The following NMNAT1 variants were observed in gnomAD, a reference collection of about 807,000 sequenced individuals.
The protein encoded by NMNAT1 is nicotinamide nucleotide adenylyltransferase 1, also known as nicotinamide/nicotinic acid mononucleotide adenylyltransferase 1.
NMNAT1 carries 11 observed loss-of-function variants against 16.7 expected under a neutral mutation model. That is an observed-to-expected ratio of 0.66 (90% confidence interval 0.41 to 1.09). The LOEUF (loss-of-function observed/expected upper bound fraction) is 1.09. Ranked by LOEUF, NMNAT1 falls within the 50% of genes least tolerant of loss-of-function variation. The pLI is 0.00. For missense variants in NMNAT1, 280 were observed against 332.3 expected (o/e 0.84, Z 1.22); for synonymous variants, 110 against 119.8 (o/e 0.92, Z 0.53).
At position 9,984,241 on chromosome 1, in the gene NMNAT1, T is replaced by C. The variant is rs1642008747; in HGVS notation, c.*1540T>C. Reference sequence around the variant, plus strand: ...TTTGTATTTTTAGTAGAGATGGGGTTTCGCCATGTTAGACAGGCTGGTCTT... The same window carrying C: ...TTTGTATTTTTAGTAGAGATGGGGTCTCGCCATGTTAGACAGGCTGGTCTT... On this transcript the variant is annotated 3_prime_UTR_variant, in exon 5 of 5. Transcript: ENST00000377205. The C allele has an allele frequency of 6.6e-6, 1 of 152,204 alleles. No homozygotes were observed. The highest frequency in any genetic ancestry group is 1.5e-5 in the Non-Finnish European group (1 of 68,090). The allele number at this position is 152,204 out of a possible 1,614,324, so 9.4% of individuals were successfully genotyped here.
chr1:9,954,486 G>A (rs1382046851), intron 1 of NMNAT1, among the ~76,000 whole-genome samples: 1 of 152,116 alleles, frequency 6.6e-6, no homozygotes, highest in African/African-American at 2.4e-5. Context: ...TGGGGTTACA[G>A]GCATGAGCCA....
chr1:9,968,770 CAA>C (rs35088826), intron 1 of NMNAT1, among the ~76,000 whole-genome samples: 11 of 79,162 alleles, frequency 1.4e-4, no homozygotes, highest in African/African-American at 1.6e-4. Flanking sequence ...GACTCTGTCT[CAA>C]AAAAAAAAAA....
At chr1:9,974,315 TC>T (rs1262324202) in intron 2 of NMNAT1, among the ~76,000 whole-genome samples, 1 of 151,092 alleles carries the variant, frequency 6.6e-6, no homozygotes, top group African/African-American at 2.4e-5. Flanking sequence ...AGCCTTTACC[TC>T]CCGGACTCAA....
the NMNAT1 span, among the ~76,000 whole-genome samples, chr1:9,993,572 C>T: frequency 6.6e-6 from 1 of 151,998 alleles, no homozygotes; most frequent in African/African-American, 2.4e-5. Context: ...AAAAGCTTGC[C>T]GGGGCTGCGT....
At chr1:9,961,103 A>G (rs1177644874) in intron 1 of NMNAT1, among the ~76,000 whole-genome samples, 1 of 152,112 alleles carries the variant, frequency 6.6e-6, no homozygotes, top group Non-Finnish European at 1.5e-5. Context: ...TATTTGAGAC[A>G]AGTTATAGAT....
At chr1:9,952,835 G>A (rs147845774) in intron 1 of NMNAT1, among the ~76,000 whole-genome samples, 35 of 152,016 alleles carry the variant, frequency 2.3e-4, no homozygotes, top group Non-Finnish European at 2.8e-4. Context: ...CACCACGCTC[G>A]GCTAGAAACA....
At chr1:9,944,141 C>T (rs1640903246) in intron 1 of NMNAT1, among the ~76,000 whole-genome samples, 1 of 152,080 alleles carries the variant, frequency 6.6e-6, no homozygotes, top group South Asian at 2.1e-4. Context: ...GTAATCTCAG[C>T]TACTCGGGAG....
chr1:9,978,581 G>T (rs920363009), intron 3 of NMNAT1, among the ~76,000 whole-genome samples: 1 of 152,172 alleles, frequency 6.6e-6, no homozygotes, highest in African/African-American at 2.4e-5. Context: ...TTCAGACTTG[G>T]CAGGGAGAAG....
chr1:9,990,115 T>G (rs1236199061), downstream of NMNAT1, among the ~76,000 whole-genome samples: 1 of 152,224 alleles, frequency 6.6e-6, no homozygotes, highest in East Asian at 1.9e-4. Context: ...GGAAATACCC[T>G]GCTTCAAAAT....
chr1:9,986,070 C>G (rs903508419), downstream of NMNAT1, among the ~76,000 whole-genome samples: 10 of 152,170 alleles, frequency 6.6e-5, no homozygotes, highest in Admixed American at 4.6e-4. Context: ...GGTTTCAGAA[C>G]TGGAATTCAG....
intron 1 of NMNAT1, among the ~76,000 whole-genome samples, chr1:9,969,063 A>C (rs1641629804): frequency 6.6e-6 from 1 of 152,094 alleles, no homozygotes; most frequent in African/African-American, 2.4e-5. Flanking sequence ...ATATCAGAGC[A>C]TAGGCTCTTA....
intron 3 of NMNAT1, among the ~76,000 whole-genome samples, chr1:9,978,023 A>G (rs999632627): frequency 1.3e-5 from 2 of 152,038 alleles, no homozygotes; most frequent in African/African-American, 4.8e-5. Flanking sequence ...TCTAGCCACC[A>G]CACCCACACT....
chr1:9,981,151 C>T lies in NMNAT1; in HGVS notation c.420C>T (p.Ser140=), dbSNP rs1429150979. The T allele has an allele frequency of 6.2e-7, 1 of 1,611,828 alleles. No individual in the cohort carries two copies. The highest frequency in any genetic ancestry group is 1.7e-5 in the Admixed American group (1 of 59,430). The change falls in exon 4 of 5, where the codon TCC becomes TCT. Residue 140 remains serine (S), a synonymous_variant. Coordinates refer to ENST00000377205, the MANE Select transcript of NMNAT1 (RefSeq NM_022787.4). ...CACAAGATTCTAGTCAAAAGAAATCCCTAGAGCCAAAAACAAAAGGTTTGT... is the reference window on the plus strand; with the variant it reads ...CACAAGATTCTAGTCAAAAGAAATCTCTAGAGCCAAAAACAAAAGGTTTGT... ...TETQDSSQKK[S]LEPKTKAVPK...
intron 1 of NMNAT1, among the ~76,000 whole-genome samples, chr1:9,958,784 T>G (rs757730797): frequency 6.6e-6 from 1 of 152,136 alleles, no homozygotes; most frequent in African/African-American, 2.4e-5. Flanking sequence ...GGTTCCTTTA[T>G]CATGACTGTA....
chr1:9,994,615 A>AT, the NMNAT1 span, among the ~76,000 whole-genome samples: 13 of 123,094 alleles, frequency 1.1e-4, no homozygotes, highest in African/African-American at 3.2e-4. Context: ...TATTTTTTGT[A>AT]TTTTTTTTTT....
At chr1:9,942,947 G>A, upstream of NMNAT1, 1 of 354,084 alleles carries the variant, frequency 2.8e-6, no homozygotes, top group South Asian at 2.1e-5. Context: ...TTCCTAGCGA[G>A]GCCGAGAGGG....
chr1:9,990,252 G>A (rs937841376), downstream of NMNAT1, among the ~76,000 whole-genome samples: 6 of 152,188 alleles, frequency 3.9e-5, no homozygotes, highest in African/African-American at 1.4e-4. Context: ...TAGGTGCTGT[G>A]AGTCAACACT....
At chr1:9,971,421 C>A (rs1211848499) in intron 1 of NMNAT1, among the ~76,000 whole-genome samples, 1 of 152,036 alleles carries the variant, frequency 6.6e-6, no homozygotes, top group Non-Finnish European at 1.5e-5. Context: ...TCAAGTGATT[C>A]TCCTGCCTCA....
At position 9,984,695 on chromosome 1, in the gene NMNAT1, G is replaced by C. The variant is rs1395273509; in HGVS notation, c.*1994G>C. 6.6e-6 allele frequency: 1 copy of C among 152,166 alleles called. No homozygotes were observed. The highest frequency in any genetic ancestry group is 1.5e-5 in the Non-Finnish European group (1 of 68,038). 9.4% of individuals were successfully genotyped at this position (152,166 alleles called of 1,614,324 possible). A position where few individuals can be genotyped will look rare whatever the true frequency, so the allele number is the denominator to read the frequency against. On this transcript the variant is annotated 3_prime_UTR_variant, in exon 5 of 5. Coordinates refer to ENST00000377205, the MANE Select transcript of NMNAT1 (RefSeq NM_022787.4). ...GTTTGTTTGATGCTGGGGGTTTTAT[G>C]TGTTGTACCCTTTACCCCTTACATT... is the stretch of plus-strand genomic sequence containing the variant.
Sources: gnomAD v4.1 joint callset for allele counts (sites outside exome capture counted in the v4.1 genomes callset) on GRCh38, gnomAD v4.1.1 for gene constraint, MANE v1.5 for transcripts, NCBI Gene and HGNC (gene_info 2026-07-23, HGNC 2026-07-21) for gene names.